Variants in TMEM108 observed in about 807,000 individuals in gnomAD.
The protein encoded by TMEM108 is transmembrane protein 108, also known as cancer/testis antigen 124.
A neutral mutation model predicts 35.1 loss-of-function variants in TMEM108; 12 were observed. That is an observed-to-expected ratio of 0.34 (90% CI 0.22 to 0.55). The LOEUF (loss-of-function observed/expected upper bound fraction) is 0.55. Ranked by LOEUF, TMEM108 falls within the 20% of genes least tolerant of loss-of-function variation. TMEM108 has a pLI of 0.89. For synonymous variants in TMEM108, 287 were observed against 308.6 expected, an observed-to-expected ratio of 0.93 and a Z score of 0.73; for missense variants, 680 against 753.3, an observed-to-expected ratio of 0.90 and a Z score of 1.14.
At chr3:133,268,538 A>G (rs1946729224) in intron 3 of TMEM108, among the ~76,000 whole-genome samples, 1 of 152,236 alleles carries the variant, frequency 6.6e-6, no homozygotes, top group Admixed American at 6.5e-5. Flanking sequence ...TCAAAACTAG[A>G]ATGCATATTG....
chr3:133,310,073 G>C (rs1010538024), intron 3 of TMEM108, among the ~76,000 whole-genome samples: 1 of 151,806 alleles, frequency 6.6e-6, no homozygotes, highest in Admixed American at 6.6e-5. Context: ...TGTGATTTCT[G>C]TTCTTTTACA....
intron 2 of TMEM108, among the ~76,000 whole-genome samples, chr3:133,067,092 C>T (rs1466083885): frequency 6.6e-6 from 1 of 152,134 alleles, no homozygotes; most frequent in Non-Finnish European, 1.5e-5. Flanking sequence ...CCTGGTATGA[C>T]TCCCTTTTGT....
At chr3:133,360,102 T>C (rs1433799031) in intron 3 of TMEM108, among the ~76,000 whole-genome samples, 1 of 150,394 alleles carries the variant, frequency 6.6e-6, no homozygotes. Flanking sequence ...ACACAAAAGA[T>C]TCTATTTAAT....
At chr3:133,174,479 C>A (rs527739902) in intron 2 of TMEM108, among the ~76,000 whole-genome samples, 8 of 152,336 alleles carry the variant, frequency 5.3e-5, no homozygotes, top group African/African-American at 1.9e-4. Flanking sequence ...TGAGACAAAA[C>A]TTCCAGAGGA....
chr3:133,256,642 G>T (rs190785464), intron 3 of TMEM108, among the ~76,000 whole-genome samples: 2 of 152,084 alleles, frequency 1.3e-5, no homozygotes, highest in East Asian at 3.9e-4. Context: ...AAAATTTCAA[G>T]GAAACTACTA....
chr3:133,207,557 A>G (rs1196438367), intron 2 of TMEM108, among the ~76,000 whole-genome samples: 1 of 151,970 alleles, frequency 6.6e-6, no homozygotes, highest in African/African-American at 2.4e-5. Context: ...TGAGAGGTTT[A>G]TTTGAAAGTA....
intron 2 of TMEM108, among the ~76,000 whole-genome samples, chr3:133,211,990 T>G (rs1576385853): frequency 1.3e-5 from 2 of 152,264 alleles, no homozygotes; most frequent in Admixed American, 1.3e-4. Flanking sequence ...CTATTACAGG[T>G]GGGATTTTTT....
intron 3 of TMEM108, among the ~76,000 whole-genome samples, chr3:133,344,032 T>C (rs770217801): frequency 6.6e-5 from 10 of 151,868 alleles, no homozygotes; most frequent in Non-Finnish European, 1.5e-4. Flanking sequence ...AAAAATTGTC[T>C]TCCATGAAAC....
At chr3:133,331,841 A>G (rs1006932864) in intron 3 of TMEM108, among the ~76,000 whole-genome samples, 4 of 152,254 alleles carry the variant, frequency 2.6e-5, no homozygotes, top group Non-Finnish European at 5.9e-5. Context: ...ACCAGAAGTC[A>G]GCTTATGTCA....
intron 2 of TMEM108, among the ~76,000 whole-genome samples, chr3:133,083,310 C>G (rs1188241630): frequency 6.6e-6 from 1 of 152,116 alleles, no homozygotes; most frequent in Non-Finnish European, 1.5e-5. Flanking sequence ...ATCCCCCTCC[C>G]AGCACCTCAC....
chr3:133,315,146 G>A (rs141918295), intron 3 of TMEM108, among the ~76,000 whole-genome samples: 3 of 152,258 alleles, frequency 2.0e-5, no homozygotes, highest in Non-Finnish European at 4.4e-5. Context: ...GCTTAATAGA[G>A]GTTAAGTATT....
intron 2 of TMEM108, among the ~76,000 whole-genome samples, chr3:133,056,312 C>T (rs947603581): frequency 1.3e-5 from 2 of 152,198 alleles, no homozygotes; most frequent in Non-Finnish European, 2.9e-5. Context: ...GCTCCTGTTT[C>T]TTTTCAGTGA....
At position 133,235,091 on chromosome 3, in the gene TMEM108, T is replaced by G. The variant is rs1397591696; in HGVS notation, c.40+5740T>G. ...AGGAGAACTACAAACCACTGCTCAA[T>G]GAAATAAAAGAGGATACAAACAAAT... On this transcript the variant is annotated intron_variant, in intron 3 of 5. Transcript: ENST00000321871. Among the ~76,000 whole-genome samples, 6 of 151,184 alleles carry G rather than the reference T, an allele frequency of 4.0e-5. No homozygotes were observed. The East Asian group carries it at 5.8e-4, about 15-fold the overall frequency.
chr3:133,332,747 C>T (rs1276762866), intron 3 of TMEM108, among the ~76,000 whole-genome samples: 3 of 152,164 alleles, frequency 2.0e-5, no homozygotes, highest in African/African-American at 7.2e-5. Flanking sequence ...AGTCTTCTTC[C>T]TATCCTTTAA....
At chr3:133,118,596 T>G (rs975050817) in intron 2 of TMEM108, among the ~76,000 whole-genome samples, 1 of 152,176 alleles carries the variant, frequency 6.6e-6, no homozygotes, top group Non-Finnish European at 1.5e-5. Flanking sequence ...TGATTTGCCT[T>G]GGGTATTGTT....
At chr3:133,234,397 C>G (rs1449733841) in intron 3 of TMEM108, among the ~76,000 whole-genome samples, 1 of 152,138 alleles carries the variant, frequency 6.6e-6, no homozygotes, top group Non-Finnish European at 1.5e-5. Context: ...AAACGCTTAT[C>G]CACCATGATC....
intron 3 of TMEM108, among the ~76,000 whole-genome samples, chr3:133,234,595 G>A (rs938999984): frequency 3.9e-5 from 6 of 152,072 alleles, no homozygotes; most frequent in East Asian, 1.9e-4. Flanking sequence ...TTGATGTGAC[G>A]TATCTCAAAA....
In TMEM108 at chr3:133,042,815, A is replaced by C. The variant is rs143319364; in HGVS notation, c.-165-3087A>C. 2.0e-5 allele frequency among the ~76,000 whole-genome samples: 3 copies of C among 152,192 alleles called. No individual in the cohort carries two copies. The East Asian group carries it at 5.8e-4, about 29-fold the overall frequency. Reference sequence around the variant, plus strand: ...TAGAGGACTAGGATGCAAGCTCAGGACTCAATATAGTTTTCCCTTCTCCAA... The same window carrying C: ...TAGAGGACTAGGATGCAAGCTCAGGCCTCAATATAGTTTTCCCTTCTCCAA... On this transcript the variant is annotated intron_variant, in intron 1 of 5. Coordinates refer to ENST00000321871, the MANE Select transcript of TMEM108 (RefSeq NM_023943.4).
intron 3 of TMEM108, among the ~76,000 whole-genome samples, chr3:133,343,541 A>G (rs2071726379): frequency 6.6e-6 from 1 of 151,952 alleles, no homozygotes; most frequent in Non-Finnish European, 1.5e-5. Context: ...CTATTAAGCA[A>G]TAAAAGAGAA....
Sources: allele counts gnomAD v4.1 joint callset (sites outside exome capture counted in the v4.1 genomes callset), GRCh38; gene constraint gnomAD v4.1.1; transcripts MANE v1.5; gene names NCBI Gene and HGNC (gene_info 2026-07-23, HGNC 2026-07-21).